CLSTN2: variants seen among roughly 807,000 people sequenced by gnomAD.
CLSTN2 encodes the protein calsyntenin 2, also known as calsyntenin-2.
CLSTN2 carries 48 observed loss-of-function variants against 101.2 expected under a neutral mutation model. That is an observed-to-expected ratio of 0.47 (90% CI 0.38 to 0.60). The LOEUF (loss-of-function observed/expected upper bound fraction) is 0.60, where lower values mean the gene tolerates loss of function less well. Ranked by LOEUF, CLSTN2 falls within the 20% of genes least tolerant of loss-of-function variation. The probability of loss-of-function intolerance (pLI) is 0.00; values close to 1 mark genes in which losing one functional copy is unlikely to be tolerated. For missense variants in CLSTN2, 1,160 were observed against 1,238.2 expected (o/e 0.94, Z 0.95); for synonymous variants, 481 against 463.6 (o/e 1.04, Z -0.48).
chr3:140,223,712 C>A (rs1350177183), intron 2 of CLSTN2, among the ~76,000 whole-genome samples: 1 of 152,196 alleles, frequency 6.6e-6, no homozygotes, highest in African/African-American at 2.4e-5. Context: ...ATACTTCTAA[C>A]TTCCTTTTTG....
intron 2 of CLSTN2, among the ~76,000 whole-genome samples, chr3:140,246,231 G>A (rs1047201984): frequency 6.6e-6 from 1 of 152,110 alleles, no homozygotes; most frequent in Non-Finnish European, 1.5e-5. Flanking sequence ...TTAAGGTGAC[G>A]TTTTATTATT....
At chr3:140,241,872 T>TACACACAC (rs1201031848) in intron 2 of CLSTN2, among the ~76,000 whole-genome samples, 2 of 57,656 alleles carry the variant, frequency 3.5e-5, no homozygotes, top group African/African-American at 1.2e-4. Flanking sequence ...TATATACACA[T>TACACACAC]ATATATATAC....
chr3:140,375,572 C>A (rs2087908415), intron 2 of CLSTN2, among the ~76,000 whole-genome samples: 1 of 152,262 alleles, frequency 6.6e-6, no homozygotes, highest in East Asian at 1.9e-4. Flanking sequence ...CCGCTTTGCT[C>A]TTTTGTTTCT....
intron 6 of CLSTN2, among the ~76,000 whole-genome samples, chr3:140,455,362 C>T (rs1209127633): frequency 2.0e-5 from 3 of 152,230 alleles, no homozygotes; most frequent in African/African-American, 7.2e-5. Context: ...TCACCAAGGC[C>T]ATCTAGAGAA....
rs117831032 is a variant in CLSTN2, at chr3:140,174,231, C to T, written c.110-1720C>T. Among the ~76,000 whole-genome samples the T allele has an allele frequency of 4.5e-3, 679 of 152,244 alleles. 6 individuals are homozygous for T. Among genetic ancestry groups the T allele is most frequent in the East Asian group, 0.041 (210 of 5,172 alleles). ...GTCCCACAAGTGTCTAGGGCAGGGGCAAAATGCTGCCAGTCTCTGCTAAAA... is the reference window on the plus strand; with the variant it reads ...GTCCCACAAGTGTCTAGGGCAGGGGTAAAATGCTGCCAGTCTCTGCTAAAA... On this transcript the variant is annotated intron_variant, in intron 1 of 16. Coordinates refer to ENST00000458420, the MANE Select transcript of CLSTN2 (RefSeq NM_022131.3).
chr3:140,018,830 C>T (rs2007250847), intron 1 of CLSTN2, among the ~76,000 whole-genome samples: 1 of 152,170 alleles, frequency 6.6e-6, no homozygotes, highest in Non-Finnish European at 1.5e-5. Flanking sequence ...ACATTAAGTA[C>T]TCATTGGTAG....
At chr3:140,393,583 C>T (rs371711027) in intron 2 of CLSTN2, among the ~76,000 whole-genome samples, 37 of 152,142 alleles carry the variant, frequency 2.4e-4, no homozygotes, top group Non-Finnish European at 4.7e-4. Flanking sequence ...ACATGGTAAA[C>T]GGCCATTATA....
chr3:140,108,645 C>A (rs2009102300), intron 1 of CLSTN2, among the ~76,000 whole-genome samples: 1 of 152,156 alleles, frequency 6.6e-6, no homozygotes, highest in Non-Finnish European at 1.5e-5. Flanking sequence ...CAGTTAAGGG[C>A]AAGATAAGAC....
At chr3:140,290,609 A>G (rs1001306126) in intron 2 of CLSTN2, among the ~76,000 whole-genome samples, 1 of 152,202 alleles carries the variant, frequency 6.6e-6, no homozygotes, top group African/African-American at 2.4e-5. Context: ...ACCAATTACA[A>G]TACAACCTAC....
intron 9 of CLSTN2, among the ~76,000 whole-genome samples, chr3:140,538,627 C>T (rs1935406210): frequency 6.6e-6 from 1 of 152,202 alleles, no homozygotes; most frequent in Non-Finnish European, 1.5e-5. Flanking sequence ...AGTACAGAGG[C>T]TTGGAGTGCA....
chr3:140,423,748 C>T (rs2088532207), intron 5 of CLSTN2, among the ~76,000 whole-genome samples: 1 of 152,206 alleles, frequency 6.6e-6, no homozygotes, highest in Non-Finnish European at 1.5e-5. Flanking sequence ...AGCTCACATT[C>T]CTTTCCTTAT....
chr3:140,044,298 A>G (rs2007822248), intron 1 of CLSTN2, among the ~76,000 whole-genome samples: 2 of 152,254 alleles, frequency 1.3e-5, no homozygotes, highest in South Asian at 2.1e-4. Context: ...GCAATTGTGA[A>G]TGGGAGTTCA....
At chr3:140,492,427 T>A (rs1388849816) in intron 8 of CLSTN2, among the ~76,000 whole-genome samples, 1 of 152,218 alleles carries the variant, frequency 6.6e-6, no homozygotes, top group Non-Finnish European at 1.5e-5. Flanking sequence ...AGCAAAGAAG[T>A]AGCAGCGGCA....
rs1361433220 is a variant in CLSTN2, at chr3:140,570,423, G to A, written c.*4170G>A. 6.6e-6 allele frequency: 1 copy of A among 152,162 alleles called. No individual in the cohort carries two copies. The highest frequency in any genetic ancestry group is 2.4e-5 in the African/African-American group (1 of 41,450). The allele number at this position is 152,162 out of a possible 1,614,324, so 9.4% of individuals were successfully genotyped here. A position where few individuals can be genotyped will look rare whatever the true frequency, so the allele number is the denominator to read the frequency against. On this transcript the variant is annotated 3_prime_UTR_variant, in exon 17 of 17. Transcript: ENST00000458420. ...ACCTAGAGATGATTTGAAGAACACA[G>A]GAAGTTGTGCATAGGCTATATGCAA...
intron 2 of CLSTN2, among the ~76,000 whole-genome samples, chr3:140,398,251 A>G (rs571893694): frequency 4.1e-4 from 63 of 152,338 alleles, no homozygotes; most frequent in African/African-American, 1.5e-3. Context: ...TTTAAAGTGC[A>G]CTTTCCATTT....
At chr3:140,206,742 G>C (rs892580887) in intron 2 of CLSTN2, among the ~76,000 whole-genome samples, 2 of 152,212 alleles carry the variant, frequency 1.3e-5, no homozygotes, top group Admixed American at 6.5e-5. Context: ...TCTCCCAGGA[G>C]ACATTTGTAC....
At chr3:140,398,701 G>A (rs1374090052) in intron 2 of CLSTN2, among the ~76,000 whole-genome samples, 1 of 152,174 alleles carries the variant, frequency 6.6e-6, no homozygotes, top group Non-Finnish European at 1.5e-5. Flanking sequence ...AGTGACCTTG[G>A]ATGAACACGT....
intron 2 of CLSTN2, among the ~76,000 whole-genome samples, chr3:140,335,162 T>C (rs2087427869): frequency 6.6e-6 from 1 of 152,180 alleles, no homozygotes; most frequent in Non-Finnish European, 1.5e-5. Context: ...TCTCCAGCTC[T>C]GTGAGTAGTA....
chr3:140,352,642 G>A (rs1047925077), intron 2 of CLSTN2, among the ~76,000 whole-genome samples: 2 of 152,160 alleles, frequency 1.3e-5, no homozygotes, highest in African/African-American at 4.8e-5. Context: ...AAGCCTCTAA[G>A]ACCCTGTAAG....
Sources: gnomAD v4.1 joint callset for allele counts (sites outside exome capture counted in the v4.1 genomes callset) on GRCh38, gnomAD v4.1.1 for gene constraint, MANE v1.5 for transcripts, NCBI Gene and HGNC (gene_info 2026-07-23, HGNC 2026-07-21) for gene names.